SORCS3: variants seen among roughly 807,000 people sequenced by gnomAD.
SORCS3 encodes the protein sortilin related VPS10 domain containing receptor 3, also known as VPS10 domain-containing receptor SorCS3.
A neutral mutation model predicts 146.3 loss-of-function variants in SORCS3; 57 were observed. The ratio of observed to expected loss-of-function variants is 0.39; its 90% CI spans 0.31 to 0.49. The LOEUF (loss-of-function observed/expected upper bound fraction) is 0.49, where lower values mean the gene tolerates loss of function less well. Ranked by LOEUF, SORCS3 falls within the 20% of genes least tolerant of loss-of-function variation. The probability of loss-of-function intolerance (pLI) is 0.92; values close to 1 mark genes in which losing one functional copy is unlikely to be tolerated. For missense variants in SORCS3, 1,341 were observed against 1,575.5 expected, an observed-to-expected ratio of 0.85 and a Z score of 2.52; for synonymous variants, 653 against 618.5, an observed-to-expected ratio of 1.06 and a Z score of -0.83.
intron 1 of SORCS3, among the ~76,000 whole-genome samples, chr10:104,692,996 C>T (rs1196930827): frequency 7.9e-5 from 12 of 152,144 alleles, no homozygotes; most frequent in Admixed American, 7.2e-4. Flanking sequence ...GATGGGAGTC[C>T]GTTGGGGACT....
intron 1 of SORCS3, among the ~76,000 whole-genome samples, chr10:104,732,300 C>G (rs2016714879): frequency 6.6e-6 from 1 of 152,112 alleles, no homozygotes; most frequent in African/African-American, 2.4e-5. Context: ...GGCTTAATAG[C>G]AGACATTTTG....
chr10:104,947,460 A>G (rs970747137), intron 3 of SORCS3, among the ~76,000 whole-genome samples: 1 of 152,134 alleles, frequency 6.6e-6, no homozygotes, highest in Non-Finnish European at 1.5e-5. Flanking sequence ...AATAAATTCA[A>G]AAGCACAAAG....
chr10:105,108,950 T>A (rs2055841042), intron 7 of SORCS3, among the ~76,000 whole-genome samples: 1 of 152,198 alleles, frequency 6.6e-6, no homozygotes, highest in Admixed American at 6.5e-5. Context: ...TATGTCTTAG[T>A]TTTGACAGTA....
At chr10:104,854,250 C>T (rs998317125) in intron 2 of SORCS3, among the ~76,000 whole-genome samples, 2 of 152,078 alleles carry the variant, frequency 1.3e-5, no homozygotes, top group Non-Finnish European at 2.9e-5. Flanking sequence ...TGTAATGCCT[C>T]CCTCCCAACC....
chr10:104,940,741 CACAA>C (rs1344699777), intron 3 of SORCS3, among the ~76,000 whole-genome samples: 1 of 151,920 alleles, frequency 6.6e-6, no homozygotes, highest in Non-Finnish European at 1.5e-5. Context: ...TAAAAGAGGA[CACAA>C]ACAAATGGAA....
chr10:104,844,458 G>A (rs950990109), intron 2 of SORCS3, among the ~76,000 whole-genome samples: 12 of 152,100 alleles, frequency 7.9e-5, no homozygotes, highest in African/African-American at 2.9e-4. Context: ...AGGAACCTAG[G>A]CCAGTTGCTT....
intron 7 of SORCS3, among the ~76,000 whole-genome samples, chr10:105,125,677 AT>A (rs1207086745): frequency 0.46 from 69,057 of 149,032 alleles, 16,692 homozygotes; most frequent in Non-Finnish European, 0.53. Context: ...ATCACTGAAT[AT>A]CCACACACAC....
intron 5 of SORCS3, among the ~76,000 whole-genome samples, chr10:105,061,497 G>A (rs760262651): frequency 7.9e-5 from 12 of 151,646 alleles, no homozygotes; most frequent in Non-Finnish European, 5.9e-5. Context: ...GGGTTTCACC[G>A]TGTTAGCCAG....
chr10:104,642,022 G>GGGGGGGGGGGCGCCCC, intron 1 of SORCS3, 68 bp downstream of exon 1: 1 of 173,336 alleles, frequency 5.8e-6, no homozygotes, highest in Non-Finnish European at 1.1e-5. Context: ...GGGTGGGTGG[G>GGGGGGGGGGGCGCCCC]AGCGAGGGAC....
intron 1 of SORCS3, among the ~76,000 whole-genome samples, chr10:104,774,803 T>G (rs1047485584): frequency 6.6e-6 from 1 of 152,164 alleles, no homozygotes; most frequent in African/African-American, 2.4e-5. Context: ...TGCACCTTAG[T>G]TTACCTCTCT....
At chr10:104,993,439 G>A (rs2055006163) in intron 4 of SORCS3, among the ~76,000 whole-genome samples, 1 of 152,210 alleles carries the variant, frequency 6.6e-6, no homozygotes, top group Non-Finnish European at 1.5e-5. Flanking sequence ...ACTTTAATTT[G>A]AAGTGTTTGG....
rs75196931 is a variant in SORCS3, at chr10:105,124,878, A to G, written c.1213-14519A>G. On this transcript the variant is annotated intron_variant, in intron 7 of 26. Transcript: ENST00000369701. ...TAATTCCACGGAATGCAATTAGAAC[A>G]GAAAGTCGGCTGTACCCAAGGCCTT... Among the ~76,000 whole-genome samples the G allele has an allele frequency of 8.7e-3, 1,331 of 152,336 alleles. 11 individuals carry two copies. The highest frequency in any genetic ancestry group is 0.024 in the Middle Eastern group (7 of 294).
intron 22 of SORCS3, among the ~76,000 whole-genome samples, chr10:105,249,335 G>T (rs745527031): frequency 1.3e-5 from 2 of 152,204 alleles, no homozygotes; most frequent in African/African-American, 2.4e-5. Flanking sequence ...GTTCATGCTG[G>T]AGGGAGAGAT....
At chr10:105,039,096 T>C (rs2133701508) in intron 4 of SORCS3, among the ~76,000 whole-genome samples, 1 of 152,322 alleles carries the variant, frequency 6.6e-6, no homozygotes, top group Admixed American at 6.5e-5. Context: ...CTTAGTTCAG[T>C]TCCTAGAGCA....
intron 14 of SORCS3, among the ~76,000 whole-genome samples, chr10:105,193,903 A>G (rs554471195): frequency 6.6e-6 from 1 of 152,332 alleles, no homozygotes; most frequent in East Asian, 1.9e-4. Context: ...AGAAAAAGAC[A>G]GAGATGGCCT....
intron 5 of SORCS3, among the ~76,000 whole-genome samples, chr10:105,065,062 G>A (rs2055514330): frequency 6.6e-6 from 1 of 152,174 alleles, no homozygotes; most frequent in African/African-American, 2.4e-5. Context: ...ATGAGTCTTT[G>A]TTGGGGGTGG....
chr10:104,786,719 C>T (rs2017441530), intron 1 of SORCS3, among the ~76,000 whole-genome samples: 1 of 152,010 alleles, frequency 6.6e-6, no homozygotes, highest in Non-Finnish European at 1.5e-5. Flanking sequence ...GAGACCAGGT[C>T]CTTGCCTCTG....
intron 20 of SORCS3, among the ~76,000 whole-genome samples, chr10:105,231,718 T>C (rs888667091): frequency 1.3e-5 from 2 of 152,174 alleles, no homozygotes; most frequent in Non-Finnish European, 2.9e-5. Flanking sequence ...AGAGTTGTTA[T>C]AAATGGGTGT....
At chr10:104,893,463 G>A (rs1354781070) in intron 2 of SORCS3, among the ~76,000 whole-genome samples, 1 of 152,190 alleles carries the variant, frequency 6.6e-6, no homozygotes, top group Admixed American at 6.5e-5. Flanking sequence ...ATCAGAGCAA[G>A]GTAAGGTGCA....
Sources: gnomAD v4.1 joint callset for allele counts (sites outside exome capture counted in the v4.1 genomes callset) on GRCh38, gnomAD v4.1.1 for gene constraint, MANE v1.5 for transcripts, NCBI Gene and HGNC (gene_info 2026-07-23, HGNC 2026-07-21) for gene names.